Variants in BCAS3 observed in about 807,000 individuals in gnomAD.
BCAS3 encodes BCAS4/BCAS3 fusion.
Under a neutral mutation model 116.1 loss-of-function variants are expected in BCAS3, and 53 were observed. The observed-to-expected ratio is 0.46, with a 90% CI of 0.37 to 0.57. The LOEUF (loss-of-function observed/expected upper bound fraction) is 0.57, where lower values mean the gene tolerates loss of function less well. BCAS3 is among the 20% of genes least tolerant of loss of function. The probability of loss-of-function intolerance (pLI) is 0.00; values close to 1 mark genes in which losing one functional copy is unlikely to be tolerated. For synonymous variants in BCAS3, 391 were observed against 408.2 expected (o/e 0.96, Z 0.51); for missense variants, 917 against 1,165.4 (o/e 0.79, Z 3.10).
At chr17:60,825,057 G>A (rs576890931) in intron 7 of BCAS3, among the ~76,000 whole-genome samples, 22 of 151,716 alleles carry the variant, frequency 1.5e-4, no homozygotes, top group Non-Finnish European at 2.2e-4. Flanking sequence ...TCCTAGCTAC[G>A]TGGGAGGCTG....
At chr17:60,809,342 A>G (rs1191786310) in intron 7 of BCAS3, among the ~76,000 whole-genome samples, 1 of 152,132 alleles carries the variant, frequency 6.6e-6, no homozygotes, top group African/African-American at 2.4e-5. Flanking sequence ...GAAAACAACT[A>G]TTGCAGTACT....
intron 16 of BCAS3, among the ~76,000 whole-genome samples, chr17:61,030,601 C>G (rs557219783): frequency 6.6e-6 from 1 of 151,930 alleles, no homozygotes; most frequent in Non-Finnish European, 1.5e-5. Context: ...GACAGTTAAG[C>G]GTTTCCTCAG....
At chr17:61,092,082 AT>A (rs1159142679) in intron 22 of BCAS3, among the ~76,000 whole-genome samples, 9 of 152,204 alleles carry the variant, frequency 5.9e-5, no homozygotes, top group Non-Finnish European at 1.0e-4. Flanking sequence ...CTTTACCTGT[AT>A]TAAACTTCAT....
At position 60,951,444 on chromosome 17, in the gene BCAS3, A is replaced by T. The variant is rs1189284160; in HGVS notation, c.1221+4092A>T. Among the ~76,000 whole-genome samples the T allele has an allele frequency of 3.3e-5, 5 of 152,176 alleles. No individual in the cohort carries two copies. The South Asian group carries it at 8.3e-4, about 25-fold the overall frequency. Reference sequence around the variant, plus strand: ...ATCTTGAACTACATGGAACAAAAACATCAAAGTTACCTGACCCATTAACCT... The same window carrying T: ...ATCTTGAACTACATGGAACAAAAACTTCAAAGTTACCTGACCCATTAACCT... On this transcript the variant is annotated intron_variant, in intron 14 of 23. Transcript: ENST00000407086.
chr17:61,069,705 G>T (rs755930000), intron 19 of BCAS3, among the ~76,000 whole-genome samples: 1 of 151,990 alleles, frequency 6.6e-6, no homozygotes, highest in Non-Finnish European at 1.5e-5. Context: ...AGGCATGGTG[G>T]CGCACGCCTG....
intron 22 of BCAS3, among the ~76,000 whole-genome samples, chr17:61,237,937 G>A (rs2083193693): frequency 6.6e-6 from 1 of 152,194 alleles, no homozygotes; most frequent in South Asian, 2.1e-4. Flanking sequence ...GATGATGATG[G>A]TAAAGAGAAT....
At chr17:61,030,928 A>C (rs1010765678) in intron 16 of BCAS3, among the ~76,000 whole-genome samples, 2 of 152,004 alleles carry the variant, frequency 1.3e-5, no homozygotes, top group Non-Finnish European at 2.9e-5. Context: ...CATCGAGAGT[A>C]TGTCTTGTTC....
chr17:60,736,429 A>G (rs963593115), intron 5 of BCAS3, among the ~76,000 whole-genome samples: 1 of 149,932 alleles, frequency 6.7e-6, no homozygotes, highest in Non-Finnish European at 1.5e-5. Flanking sequence ...CAAGTGATCC[A>G]CCCACGTCAG....
At chr17:60,879,681 G>A (rs1204545092) in intron 9 of BCAS3, among the ~76,000 whole-genome samples, 1 of 152,180 alleles carries the variant, frequency 6.6e-6, no homozygotes, top group Non-Finnish European at 1.5e-5. Flanking sequence ...AAGCAATCTT[G>A]TTCCATTGGC....
chr17:60,789,676 A>C (rs1340711213), intron 6 of BCAS3, among the ~76,000 whole-genome samples: 1 of 152,128 alleles, frequency 6.6e-6, no homozygotes, highest in Non-Finnish European at 1.5e-5. Context: ...CATTCTCTCT[A>C]TTGTACATGC....
At chr17:60,790,673 T>C (rs1208149081) in intron 6 of BCAS3, among the ~76,000 whole-genome samples, 1 of 152,048 alleles carries the variant, frequency 6.6e-6, no homozygotes. Flanking sequence ...TAGGCACTGA[T>C]TATTATATAA....
intron 22 of BCAS3, chr17:61,086,802 G>T (rs2073127170): frequency 1.2e-5 from 12 of 985,392 alleles, no homozygotes; most frequent in Non-Finnish European, 1.4e-5. Flanking sequence ...AAGCCTCATA[G>T]ATAAGGAATT....
intron 4 of BCAS3, among the ~76,000 whole-genome samples, chr17:60,694,459 C>A (rs1314737355): frequency 1.3e-5 from 2 of 152,052 alleles, no homozygotes; most frequent in East Asian, 3.9e-4. Context: ...CGAGACTGTG[C>A]CACTGCACTC....
At chr17:60,938,791 G>A (rs948179921) in intron 13 of BCAS3, among the ~76,000 whole-genome samples, 4 of 152,046 alleles carry the variant, frequency 2.6e-5, no homozygotes. Flanking sequence ...ATGAGGAAAA[G>A]ATTTTAAACA....
At chr17:61,209,148 A>G (rs1568579229) in intron 22 of BCAS3, among the ~76,000 whole-genome samples, 1 of 147,468 alleles carries the variant, frequency 6.8e-6, no homozygotes, top group Admixed American at 6.9e-5. Context: ...GAAGAAGAAG[A>G]AAAAAAAAAG....
At chr17:60,856,686 CTCCAAAAAAATAAAAAAAAAATTATAGAT>C (rs2053703458) in intron 7 of BCAS3, among the ~76,000 whole-genome samples, 2 of 151,408 alleles carry the variant, frequency 1.3e-5, no homozygotes, top group Non-Finnish European at 2.9e-5. Context: ...GCCAGACTGT[CTCCAAAAAAATAAAAAAAAAATTATAGAT>C]TCATTTAGAT....
chr17:61,023,061 C>T lies in BCAS3; in HGVS notation c.1637+7160C>T, dbSNP rs1386195923. On this transcript the variant is annotated intron_variant, in intron 16 of 23. Transcript: ENST00000407086. The surrounding 1 kb of genome is among the most constrained non-coding windows in gnomAD (Gnocchi z 4.8). ...GATCAATAGTTTACTACCAGTAATA[C>T]GATAGGTCTCTTTGGTAGGGAGCAA... Among the ~76,000 whole-genome samples the T allele has an allele frequency of 6.6e-5, 10 of 152,166 alleles. No individual in the cohort carries two copies. The South Asian group carries it at 8.3e-4, about 13-fold the overall frequency.
chr17:61,332,199 C>A lies in BCAS3; in HGVS notation c.2426-36128C>A, dbSNP rs1039474275. On this transcript the variant is annotated intron_variant, in intron 22 of 23. Coordinates refer to ENST00000407086, the MANE Select transcript of BCAS3 (RefSeq NM_017679.5). The surrounding 1 kb of genome is among the most constrained non-coding windows in gnomAD (Gnocchi z 5.4). The stretch of plus-strand genomic sequence containing the variant: ...GAGAGACACCTGGATGGCTTCTCTT[C>A]TATGTTTCGGGGACATGAGAAGAAG... 6.6e-6 allele frequency among the ~76,000 whole-genome samples: 1 copy of A among 152,178 alleles called. No individual in the cohort carries two copies. Among genetic ancestry groups the A allele is most frequent in the Non-Finnish European group, 1.5e-5 (1 of 68,028 alleles).
chr17:61,351,481 T>C (rs1268908408), intron 22 of BCAS3, among the ~76,000 whole-genome samples: 1 of 152,224 alleles, frequency 6.6e-6, no homozygotes, highest in African/African-American at 2.4e-5. Context: ...AGCCTATCAT[T>C]TGAATCTTAG....
Sources: allele counts gnomAD v4.1 joint callset (sites outside exome capture counted in the v4.1 genomes callset), GRCh38; gene constraint gnomAD v4.1.1; non-coding constraint Gnocchi (gnomAD v3.1); transcripts MANE v1.5; gene names NCBI Gene and HGNC (gene_info 2026-07-23, HGNC 2026-07-21).